The following TBC1D1 variants were observed in gnomAD, a reference collection of about 807,000 sequenced individuals.
TBC1D1 encodes TBC1 domain family member 1, also known as TBC1 (tre-2/USP6, BUB2, cdc16) domain family, member 1.
A neutral mutation model predicts 125.6 loss-of-function variants in TBC1D1; 89 were observed. That is an observed-to-expected ratio of 0.71 (90% CI 0.60 to 0.85). The LOEUF (loss-of-function observed/expected upper bound fraction) is 0.85. Ranked by LOEUF, TBC1D1 falls within the 40% of genes least tolerant of loss-of-function variation. TBC1D1 has a pLI of 0.00. For missense variants in TBC1D1, 1,377 were observed against 1,469.2 expected (o/e 0.94, Z 1.03); for synonymous variants, 565 against 564.1 (o/e 1.00, Z -0.02).
At chr4:37,951,364 A>G (rs1237479510) in intron 2 of TBC1D1, among the ~76,000 whole-genome samples, 2 of 152,198 alleles carry the variant, frequency 1.3e-5, no homozygotes, top group African/African-American at 4.8e-5. Context: ...GGAGTTCATT[A>G]GAATATTCTC....
chr4:38,085,722 C>G (rs1578623796), intron 12 of TBC1D1, among the ~76,000 whole-genome samples: 1 of 152,322 alleles, frequency 6.6e-6, no homozygotes, highest in East Asian at 1.9e-4. Flanking sequence ...GTAGAAACCT[C>G]AGAGTAGCCC....
intron 17 of TBC1D1, among the ~76,000 whole-genome samples, chr4:38,122,980 G>T (rs539506402): frequency 6.5e-5 from 9 of 138,448 alleles, no homozygotes; most frequent in Admixed American, 4.3e-4. Context: ...TTACTAAGTT[G>T]ATTTATTGTA....
intron 8 of TBC1D1, among the ~76,000 whole-genome samples, chr4:38,042,297 C>G (rs1748552203): frequency 6.6e-6 from 1 of 152,092 alleles, no homozygotes; most frequent in Non-Finnish European, 1.5e-5. Flanking sequence ...CGCTGTCACC[C>G]AAGCTGGAGT....
At chr4:38,041,222 T>A (rs945247556) in intron 8 of TBC1D1, among the ~76,000 whole-genome samples, 17 of 152,204 alleles carry the variant, frequency 1.1e-4, no homozygotes, top group Admixed American at 1.0e-3. Flanking sequence ...GAACAGCAGA[T>A]GACTGAATAA....
intron 2 of TBC1D1, among the ~76,000 whole-genome samples, chr4:37,933,856 G>A (rs1346372511): frequency 6.6e-6 from 1 of 152,172 alleles, no homozygotes; most frequent in Non-Finnish European, 1.5e-5. Flanking sequence ...AAGTGGCATA[G>A]TCTTGTTAAT....
At chr4:38,059,071 A>G (rs895502601) in intron 12 of TBC1D1, among the ~76,000 whole-genome samples, 9 of 152,252 alleles carry the variant, frequency 5.9e-5, no homozygotes, top group African/African-American at 2.2e-4. Flanking sequence ...CAAAATCCCC[A>G]TGAAATAATT....
intron 2 of TBC1D1, among the ~76,000 whole-genome samples, chr4:37,923,964 G>A (rs1721554587): frequency 6.6e-6 from 1 of 152,216 alleles, no homozygotes; most frequent in African/African-American, 2.4e-5. Flanking sequence ...ACAGGCGTGA[G>A]CCAATGCACC....
chr4:38,109,894 A>G (rs1360123159), intron 15 of TBC1D1, among the ~76,000 whole-genome samples: 1 of 152,250 alleles, frequency 6.6e-6, no homozygotes, highest in Non-Finnish European at 1.5e-5. Context: ...AGATGTTAGT[A>G]TCCCAGATCT....
chr4:37,914,259 C>A (rs1295894707), intron 2 of TBC1D1, among the ~76,000 whole-genome samples: 1 of 152,180 alleles, frequency 6.6e-6, no homozygotes, highest in African/African-American at 2.4e-5. Flanking sequence ...GCCATTGTGA[C>A]TTTTCTAGTT....
chr4:38,026,930 CA>C (rs1269837787), intron 6 of TBC1D1, among the ~76,000 whole-genome samples: 9 of 152,202 alleles, frequency 5.9e-5, no homozygotes, highest in African/African-American at 2.2e-4. Context: ...CCACATGCAT[CA>C]ATTTTCCGTG....
chr4:37,992,430 A>G (rs1307539520), intron 2 of TBC1D1, among the ~76,000 whole-genome samples: 1 of 151,712 alleles, frequency 6.6e-6, no homozygotes, highest in East Asian at 1.9e-4. Context: ...AGAAAGGCCT[A>G]TTTTAAGGAA....
At chr4:37,912,288 AG>A (rs1210737829) in intron 2 of TBC1D1, among the ~76,000 whole-genome samples, 1 of 152,224 alleles carries the variant, frequency 6.6e-6, no homozygotes, top group Admixed American at 6.5e-5. Context: ...TGGGTTTTAA[AG>A]GACTACTGGC....
Position 37,995,853 on chromosome 4 carries a change from A to T in TBC1D1, c.418-18656A>T. 1.7e-6 allele frequency: 1 copy of T among 577,476 alleles called. No individual in the cohort carries two copies. 35.8% of individuals were successfully genotyped at this position (577,476 alleles called of 1,614,324 possible). On this transcript the variant is annotated intron_variant, in intron 2 of 19. Transcript: ENST00000261439. This position sits in a 1 kb window ranked among gnomAD's most constrained non-coding sequence, Gnocchi z 4.3. The stretch of plus-strand genomic sequence containing the variant: ...CAGGTGCTGGATCCATGTGATCACC[A>T]GAATGCATTTCTCTTTGAGAATCCA...
intron 15 of TBC1D1, chr4:38,110,884 A>G: frequency 1.1e-6 from 1 of 914,750 alleles, no homozygotes; most frequent in Non-Finnish European, 1.3e-6. Context: ...TGCTTCTCCT[A>G]TGGGGTGTGT....
chr4:38,079,929 C>A (rs1756262599), intron 12 of TBC1D1, among the ~76,000 whole-genome samples: 1 of 152,186 alleles, frequency 6.6e-6, no homozygotes, highest in African/African-American at 2.4e-5. Flanking sequence ...GTGCTGAACG[C>A]CAAAGGCCAG....
chr4:38,044,920 C>T (rs1749101747), intron 9 of TBC1D1, among the ~76,000 whole-genome samples: 1 of 152,192 alleles, frequency 6.6e-6, no homozygotes, highest in South Asian at 2.1e-4. Flanking sequence ...ATTCTACCCA[C>T]CTCCTATTTT....
chr4:37,933,983 C>A (rs1723858496), intron 2 of TBC1D1, among the ~76,000 whole-genome samples: 2 of 152,152 alleles, frequency 1.3e-5, no homozygotes, highest in South Asian at 2.1e-4. Flanking sequence ...CCTGTTGTTG[C>A]AGGTTGAAAG....
At chr4:38,007,359 T>C (rs1344083015) in intron 2 of TBC1D1, among the ~76,000 whole-genome samples, 1 of 152,024 alleles carries the variant, frequency 6.6e-6, no homozygotes, top group Non-Finnish European at 1.5e-5. Context: ...TTCAAGCAGT[T>C]CTCCTGTCTC....
chr4:37,961,917 G>A (rs1730134731), intron 2 of TBC1D1, among the ~76,000 whole-genome samples: 1 of 152,194 alleles, frequency 6.6e-6, no homozygotes, highest in Admixed American at 6.5e-5. Context: ...TTAGAGAAGA[G>A]TTACAATTTT....
Sources: gnomAD v4.1 joint callset for allele counts (sites outside exome capture counted in the v4.1 genomes callset) on GRCh38, gnomAD v4.1.1 for gene constraint, Gnocchi (gnomAD v3.1) non-coding constraint, MANE v1.5 for transcripts, NCBI Gene and HGNC (gene_info 2026-07-23, HGNC 2026-07-21) for gene names.